RAP1GAP: variants seen among roughly 807,000 people sequenced by gnomAD.
RAP1GAP encodes RAP1 GTPase activating protein, also known as rap1 GTPase-activating protein 1.
In RAP1GAP, 35 loss-of-function variants were observed where a neutral mutation model predicts 87.2. The ratio of observed to expected loss-of-function variants is 0.40; its 90% CI spans 0.31 to 0.53. The LOEUF is 0.53. Ranked by LOEUF, RAP1GAP falls within the 20% of genes least tolerant of loss-of-function variation. The pLI is 0.48. For missense variants in RAP1GAP, 734 were observed against 898.9 expected, an observed-to-expected ratio of 0.82 and a Z score of 2.35; for synonymous variants, 375 against 363.9, an observed-to-expected ratio of 1.03 and a Z score of -0.35.
rs140749955 is a variant in RAP1GAP at position 21,611,470 on chromosome 1, C to T, written c.825G>A (p.Thr275=). The change falls in exon 13 of 25, where the codon ACG becomes ACA. Residue 275 remains threonine (T), a synonymous_variant. Transcript: ENST00000374765. Reference sequence around the variant, plus strand: ...AGGCTACCTGCTGGGCGTCCCCTTCCGTGTATGGCAGCTTGGTGGACACGT... The same window carrying T: ...AGGCTACCTGCTGGGCGTCCCCTTCTGTGTATGGCAGCTTGGTGGACACGT... ...MFHVSTKLPY[T]EGDAQQLQRK... 7.4e-5 allele frequency: 120 copies of T among 1,614,042 alleles called. 1 individual carries two copies. In the Admixed American group the frequency reaches 1.8e-3, roughly 24 times the overall value.
chr1:21,617,816 C>T, intron 6 of RAP1GAP, 118 bp downstream of exon 6: 1 of 1,423,726 alleles, frequency 7.0e-7, no homozygotes, highest in Non-Finnish European at 9.9e-7. Flanking sequence ...ATTAAGTCTC[C>T]AGCCCGCAGC....
At chr1:21,618,634 T>C (rs138541081) in intron 5 of RAP1GAP, among the ~76,000 whole-genome samples, 24 of 152,184 alleles carry the variant, frequency 1.6e-4, no homozygotes, top group African/African-American at 4.6e-4. Flanking sequence ...AGGGCCTGAG[T>C]TGGAGTCTTC....
intron 1 of RAP1GAP, among the ~76,000 whole-genome samples, chr1:21,663,337 C>T (rs180812326): frequency 4.9e-4 from 75 of 152,308 alleles, no homozygotes; most frequent in African/African-American, 1.6e-3. Flanking sequence ...GCCTGCTGCC[C>T]GGGTGGGCAC....
At chr1:21,653,570 TCCTTCCTTCCTTCCTTCCTTCCTC>T (rs771250113) in intron 1 of RAP1GAP, among the ~76,000 whole-genome samples, 5,422 of 139,744 alleles carry the variant, frequency 0.039, 141 homozygotes, top group African/African-American at 0.046. Context: ...CTTCCTTCCT[TCCTTCCTTCCTTCCTTCCTTCCTC>T]CCTCCCTCCC....
At chr1:21,612,188 G>A (rs1189566462) in intron 10 of RAP1GAP, 79 bp from the exon 11 acceptor site, 1 of 1,145,766 alleles carries the variant, frequency 8.7e-7, no homozygotes, top group Non-Finnish European at 1.3e-6. Context: ...GCCAAGCACT[G>A]AGCCAGGCGC....
rs552784278 is a variant in RAP1GAP, at chr1:21,615,455, C to T, written c.292-1366G>A. Among the ~76,000 whole-genome samples the T allele has an allele frequency of 6.6e-6, 1 of 152,102 alleles. No homozygotes were observed. The highest frequency in any genetic ancestry group is 1.9e-4 in the East Asian group (1 of 5,164). ...CGCCCAGGCTGGAGTACAGTGGCAC[C>T]ATCTCAGCTCACTGCAATCTCCACC... On this transcript the variant is annotated intron_variant, in intron 7 of 24. Transcript: ENST00000374765. The surrounding 1 kb of genome is among the most constrained non-coding windows in gnomAD (Gnocchi z 4.5).
chr1:21,626,085 CT>C (rs1558754489), intron 3 of RAP1GAP, among the ~76,000 whole-genome samples: 1 of 152,168 alleles, frequency 6.6e-6, no homozygotes, highest in Non-Finnish European at 1.5e-5. Context: ...CCCTAAGCCC[CT>C]CCCTGCCACA....
At chr1:21,641,965 C>T (rs898725882) in intron 2 of RAP1GAP, among the ~76,000 whole-genome samples, 1 of 152,222 alleles carries the variant, frequency 6.6e-6, no homozygotes, top group Non-Finnish European at 1.5e-5. Flanking sequence ...CATTGTTACA[C>T]CGGCCGGCCC....
chr1:21,617,519 C>T, intron 6 of RAP1GAP, 28 bp from the exon 7 acceptor site: 4 of 1,571,354 alleles, frequency 2.5e-6, no homozygotes, highest in Non-Finnish European at 1.7e-6. Context: ...TGAGAGCCAC[C>T]CCACACTGTA....
chr1:21,649,931 T>A, intron 1 of RAP1GAP, 135 bp from the exon 2 acceptor site: 1 of 869,304 alleles, frequency 1.2e-6, no homozygotes, highest in Non-Finnish European at 1.9e-6. Flanking sequence ...GGATGCCTGA[T>A]GCAGTCACTA....
intron 3 of RAP1GAP, among the ~76,000 whole-genome samples, chr1:21,624,127 G>C (rs920582655): frequency 6.6e-6 from 1 of 152,180 alleles, no homozygotes; most frequent in Non-Finnish European, 1.5e-5. Context: ...GTGTGGGTAG[G>C]CTGTGTATGT....
intron 7 of RAP1GAP, 77 bp from the exon 8 acceptor site, chr1:21,614,166 C>T: frequency 1.0e-6 from 1 of 998,800 alleles, no homozygotes; most frequent in South Asian, 1.5e-5. Context: ...AGAAAGCCAA[C>T]CCACTCCCAG....
At chr1:21,653,546 T>TA (rs1558896066) in intron 1 of RAP1GAP, among the ~76,000 whole-genome samples, 4 of 94,026 alleles carry the variant, frequency 4.3e-5, no homozygotes, top group South Asian at 3.4e-4. Flanking sequence ...GGGAGGAACT[T>TA]CCTTCCTTCC....
chr1:21,634,974 T>G lies in RAP1GAP; in HGVS notation c.-112-8577A>C, dbSNP rs578080453. On this transcript the variant is annotated intron_variant, in intron 2 of 24. Coordinates refer to ENST00000374765, the MANE Select transcript of RAP1GAP (RefSeq NM_002885.4). This position sits in a 1 kb window ranked among gnomAD's most constrained non-coding sequence, Gnocchi z 4.1. ...CATCTGCTTCCCTAGCCTGGCACTT[T>G]CCAGTTTACAAACTGCCTTTGCCAT... is the stretch of plus-strand genomic sequence containing the variant. Among the ~76,000 whole-genome samples, 47 of 152,316 alleles carry G rather than the reference T, an allele frequency of 3.1e-4. No homozygotes were observed. The highest frequency in any genetic ancestry group is 6.0e-4 in the Non-Finnish European group (41 of 68,026).
chr1:21,618,038 C>T, intron 5 of RAP1GAP, 66 bp from the exon 6 acceptor site: 1 of 1,598,682 alleles, frequency 6.3e-7, no homozygotes, highest in Non-Finnish European at 8.6e-7. Context: ...CAGAGCTGGC[C>T]TCTGCTTGGC....
chr1:21,618,519 C>T (rs1570771292), intron 5 of RAP1GAP, among the ~76,000 whole-genome samples: 1 of 152,098 alleles, frequency 6.6e-6, no homozygotes, highest in Non-Finnish European at 1.5e-5. Flanking sequence ...CCCCTGCCTC[C>T]GGTCAGTCTC....
chr1:21,625,385 G>A (rs966526214), intron 3 of RAP1GAP, among the ~76,000 whole-genome samples: 1 of 152,240 alleles, frequency 6.6e-6, no homozygotes, highest in African/African-American at 2.4e-5. Context: ...GTGGCATGAT[G>A]TCTGTGGGTG....
At position 21,622,555 on chromosome 1, in the gene RAP1GAP, G is replaced by T; in HGVS notation, c.-18-2505C>A. The T allele has an allele frequency of 6.8e-6, 1 of 147,390 alleles. No individual in the cohort carries two copies. The highest frequency in any genetic ancestry group is 1.5e-5 in the Non-Finnish European group (1 of 66,496). The allele number at this position is 147,390 out of a possible 1,614,324, so 9.1% of individuals were successfully genotyped here. The stretch of plus-strand genomic sequence containing the variant: ...TCCCGGCGGCGGCGCTGCCTGCGAT[G>T]GGCTCGCCCCACGGCGGGGCCCGGA... On this transcript the variant is annotated intron_variant, in intron 3 of 24. Coordinates refer to ENST00000374765, the MANE Select transcript of RAP1GAP (RefSeq NM_002885.4). This position sits in a 1 kb window ranked among gnomAD's most constrained non-coding sequence, Gnocchi z 5.7.
intron 2 of RAP1GAP, among the ~76,000 whole-genome samples, chr1:21,645,579 C>T (rs1242725816): frequency 6.6e-6 from 1 of 152,210 alleles, no homozygotes; most frequent in African/African-American, 2.4e-5. Context: ...TGCCCCTGTC[C>T]CCAGTAGAAC....
Sources: allele counts gnomAD v4.1 joint callset (sites outside exome capture counted in the v4.1 genomes callset), GRCh38; gene constraint gnomAD v4.1.1; non-coding constraint Gnocchi (gnomAD v3.1); transcripts MANE v1.5; gene names NCBI Gene and HGNC (gene_info 2026-07-23, HGNC 2026-07-21).